BCO1: variants seen among roughly 807,000 people sequenced by gnomAD.
The protein encoded by BCO1 is beta-carotene oxygenase 1, also known as beta,beta-carotene 15,15'-dioxygenase.
A neutral mutation model predicts 56.3 loss-of-function variants in BCO1; 54 were observed. The observed-to-expected ratio is 0.96, with a 90% CI of 0.77 to 1.20. The LOEUF is 1.20. BCO1 is among the 50% of genes most tolerant of loss of function. BCO1 has a pLI of 0.00. For synonymous variants in BCO1, 318 were observed against 266.1 expected (o/e 1.20, Z -1.90); for missense variants, 801 against 690.9 (o/e 1.16, Z -1.79).
At position 81,290,340 on chromosome 16, in the gene BCO1, C is replaced by G. The variant is rs781405403; in HGVS notation, c.1415-8C>G. ...TTTACGAAGTGTTTTTTTTCTGTTT[C>G]CCTAAAGGAGTAATCTTATCAGCCA... is the stretch of plus-strand genomic sequence containing the variant. On this transcript the variant is annotated splice_region_variant and splice_polypyrimidine_tract_variant and intron_variant, in intron 10 of 10. Transcript: ENST00000258168. 1 of 1,609,226 alleles carries G rather than the reference C, an allele frequency of 6.2e-7. No homozygotes were observed. Among genetic ancestry groups the G allele is most frequent in the Admixed American group, 1.7e-5 (1 of 60,010 alleles).
At chr16:81,250,237 G>T (rs11150376) in intron 2 of BCO1, among the ~76,000 whole-genome samples, 1 of 151,874 alleles carries the variant, frequency 6.6e-6, no homozygotes, top group Non-Finnish European at 1.5e-5. Flanking sequence ...AGACATAGAC[G>T]CAATACTCTC....
At chr16:81,286,563 C>T (rs568894402) in intron 9 of BCO1, among the ~76,000 whole-genome samples, 13 of 152,188 alleles carry the variant, frequency 8.5e-5, no homozygotes, top group East Asian at 1.9e-4. Context: ...AAGATATGTT[C>T]GATATTTTTA....
At chr16:81,280,759 C>G in intron 7 of BCO1, 98 bp from the exon 8 acceptor site, 1 of 833,130 alleles carries the variant, frequency 1.2e-6, no homozygotes, top group Non-Finnish European at 2.0e-6. Flanking sequence ...GCCAAGATGA[C>G]ATGTATTCAA....
At chr16:81,279,482 T>A (rs1352884605) in intron 7 of BCO1, among the ~76,000 whole-genome samples, 2 of 152,198 alleles carry the variant, frequency 1.3e-5, no homozygotes, top group East Asian at 3.8e-4. Flanking sequence ...AATAATAATA[T>A]AACAACGTCA....
At chr16:81,267,511 G>A (rs1034673118) in intron 5 of BCO1, among the ~76,000 whole-genome samples, 1 of 152,210 alleles carries the variant, frequency 6.6e-6, no homozygotes, top group Non-Finnish European at 1.5e-5. Context: ...TACTCGGGAG[G>A]CTGAGGCAGG....
intron 1 of BCO1, among the ~76,000 whole-genome samples, chr16:81,242,321 C>T (rs1221417527): frequency 6.6e-6 from 1 of 151,748 alleles, no homozygotes; most frequent in African/African-American, 2.4e-5. Flanking sequence ...CTGCCTCAGC[C>T]TCCCCAGTAG....
intron 2 of BCO1, among the ~76,000 whole-genome samples, chr16:81,252,164 G>A (rs1905847040): frequency 6.6e-6 from 1 of 151,948 alleles, no homozygotes; most frequent in Non-Finnish European, 1.5e-5. Flanking sequence ...TATAGGAAAT[G>A]GGCAGCCTGT....
intron 5 of BCO1, 147 bp downstream of exon 5, chr16:81,264,934 T>C (rs963267724): frequency 2.5e-5 from 22 of 872,806 alleles, no homozygotes; most frequent in South Asian, 1.7e-4. Flanking sequence ...AGTACTTTCC[T>C]TTAGAAGAGA....
intron 7 of BCO1, among the ~76,000 whole-genome samples, chr16:81,278,104 C>T (rs1260268544): frequency 1.3e-5 from 2 of 152,088 alleles, no homozygotes; most frequent in Admixed American, 6.6e-5. Flanking sequence ...TGCAGTGACG[C>T]GATCTCGGCT....
chr16:81,241,093 C>G (rs993890875), intron 1 of BCO1, among the ~76,000 whole-genome samples: 2 of 152,144 alleles, frequency 1.3e-5, no homozygotes, highest in African/African-American at 4.8e-5. Context: ...GTTGGCCTCC[C>G]AGAGTGCTGG....
rs556404487 is a variant in BCO1, at chr16:81,254,612, A to T, written c.194-5064A>T. Among the ~76,000 whole-genome samples, 3 of 152,088 alleles carry T rather than the reference A, an allele frequency of 2.0e-5. No homozygotes were observed. The East Asian group carries it at 5.8e-4, about 29-fold the overall frequency. On this transcript the variant is annotated intron_variant, in intron 2 of 10. Coordinates refer to ENST00000258168, the MANE Select transcript of BCO1 (RefSeq NM_017429.3). ...CTATTATTGTCATTATGTCCATCCA[A>T]GTGCACAGGTGGGAGTCATTGCCAC...
intron 2 of BCO1, among the ~76,000 whole-genome samples, chr16:81,257,879 C>CAAA (rs529236932): frequency 1.5e-5 from 1 of 66,088 alleles, no homozygotes; most frequent in Non-Finnish European, 3.3e-5. Context: ...GACTCCATCT[C>CAAA]AAAAAAAAAA....
At chr16:81,261,681 T>C (rs545411372) in intron 3 of BCO1, among the ~76,000 whole-genome samples, 1 of 152,286 alleles carries the variant, frequency 6.6e-6, no homozygotes, top group Admixed American at 6.5e-5. Flanking sequence ...TCTGAGTTCT[T>C]AGGATTCCTC....
intron 7 of BCO1, among the ~76,000 whole-genome samples, chr16:81,274,258 CTTTTTTTTTTTT>C (rs755672295): frequency 1.2e-5 from 1 of 80,534 alleles, no homozygotes; most frequent in Non-Finnish European, 2.3e-5. Flanking sequence ...GCTTGTGTAT[CTTTTTTTTTTTT>C]TTTTTTTTTT....
chr16:81,251,323 C>G (rs1327159847), intron 2 of BCO1, among the ~76,000 whole-genome samples: 1 of 151,950 alleles, frequency 6.6e-6, no homozygotes, highest in African/African-American at 2.4e-5. Flanking sequence ...CTTTTAGAGG[C>G]TGAGGTGGGA....
intron 1 of BCO1, 122 bp downstream of exon 1, chr16:81,239,094 G>A: frequency 2.5e-6 from 2 of 792,910 alleles, no homozygotes; most frequent in African/African-American, 1.7e-5. Context: ...TCGGCCCACT[G>A]CAACCTCTGC....
At chr16:81,273,863 T>C (rs1907390627) in intron 7 of BCO1, among the ~76,000 whole-genome samples, 1 of 152,158 alleles carries the variant, frequency 6.6e-6, no homozygotes, top group South Asian at 2.1e-4. Flanking sequence ...GTATTAGGCA[T>C]TAAAGACATC....
At chr16:81,244,237 C>T (rs1381986507) in intron 1 of BCO1, among the ~76,000 whole-genome samples, 1 of 152,200 alleles carries the variant, frequency 6.6e-6, no homozygotes, top group African/African-American at 2.4e-5. Flanking sequence ...CAGCACCCTG[C>T]CTCTAGAGCA....
rs28648081 is a variant in BCO1, at chr16:81,255,117, G to A, written c.194-4559G>A. Among the ~76,000 whole-genome samples the A allele has an allele frequency of 3.7e-3, 565 of 152,288 alleles. 6 individuals carry two copies. Among genetic ancestry groups the A allele is most frequent in the African/African-American group, 0.013 (536 of 41,558 alleles). On this transcript the variant is annotated intron_variant, in intron 2 of 10. Coordinates refer to ENST00000258168, the MANE Select transcript of BCO1 (RefSeq NM_017429.3). ...GTTTCTTGATCAGGATGTAGTTTGC[G>A]TGGGTAGCTCCCCTTTGTGAAACCT... is the stretch of plus-strand genomic sequence containing the variant.
Sources: allele counts gnomAD v4.1 joint callset (sites outside exome capture counted in the v4.1 genomes callset), GRCh38; gene constraint gnomAD v4.1.1; transcripts MANE v1.5; gene names NCBI Gene and HGNC (gene_info 2026-07-23, HGNC 2026-07-21).